The following PALM2AKAP2 variants were observed in gnomAD, a reference collection of about 807,000 sequenced individuals.
PALM2AKAP2 encodes PALM2 and AKAP2 fusion, also known as PALM2-AKAP2 fusion protein.
PALM2AKAP2 carries 37 observed loss-of-function variants against 71.5 expected under a neutral mutation model. The observed-to-expected ratio is 0.52, with a 90% CI of 0.40 to 0.68. The LOEUF is 0.68. PALM2AKAP2 is among the 30% of genes least tolerant of loss of function. The pLI, the probability that PALM2AKAP2 is intolerant of heterozygous loss-of-function variation, is 0.00. For missense variants in PALM2AKAP2, 1,224 were observed against 1,191.8 expected (o/e 1.03, Z -0.40); for synonymous variants, 468 against 478.8 (o/e 0.98, Z 0.29).
chr9:109,734,599 A>C (rs1828602328), intron 1 of PALM2AKAP2, among the ~76,000 whole-genome samples: 1 of 152,224 alleles, frequency 6.6e-6, no homozygotes, highest in African/African-American at 2.4e-5. Context: ...AGTTGGAGTC[A>C]AGAGAAGAGT....
At chr9:110,161,351 G>A (rs542296492) in intron 3 of PALM2AKAP2, among the ~76,000 whole-genome samples, 4 of 152,274 alleles carry the variant, frequency 2.6e-5, no homozygotes, top group Admixed American at 6.5e-5. Context: ...ATTCTGGAGA[G>A]GGATGTCCCA....
intron 3 of PALM2AKAP2, among the ~76,000 whole-genome samples, chr9:109,909,996 A>T (rs1030374897): frequency 2.6e-5 from 4 of 152,186 alleles, no homozygotes; most frequent in Non-Finnish European, 5.9e-5. Context: ...ATGGGGCTGC[A>T]TAGAAGCAGA....
intron 1 of PALM2AKAP2, among the ~76,000 whole-genome samples, chr9:109,817,226 G>C (rs1345140605): frequency 6.6e-6 from 1 of 152,198 alleles, no homozygotes; most frequent in Non-Finnish European, 1.5e-5. Flanking sequence ...TGTGGATGTT[G>C]AGTTGCTACT....
chr9:110,140,079 T>C (rs1390593185), intron 2 of PALM2AKAP2, among the ~76,000 whole-genome samples: 1 of 152,242 alleles, frequency 6.6e-6, no homozygotes, highest in East Asian at 1.9e-4. Context: ...AATATACATT[T>C]TGTAGGGCAA....
chr9:109,829,919 G>C (rs947146715), intron 1 of PALM2AKAP2, among the ~76,000 whole-genome samples: 4 of 152,154 alleles, frequency 2.6e-5, no homozygotes, highest in African/African-American at 9.7e-5. Flanking sequence ...AGACAAAGTT[G>C]AGAGAAGGAA....
chr9:109,984,928 A>T (rs1832344360), intron 6 of PALM2AKAP2, among the ~76,000 whole-genome samples: 1 of 152,094 alleles, frequency 6.6e-6, no homozygotes, highest in African/African-American at 2.4e-5. Flanking sequence ...TAATCCCAGA[A>T]CTTTGGGAGG....
chr9:109,738,265 G>T (rs1564130209), intron 1 of PALM2AKAP2, among the ~76,000 whole-genome samples: 1 of 152,176 alleles, frequency 6.6e-6, no homozygotes, highest in Non-Finnish European at 1.5e-5. Flanking sequence ...TCTCACAGTT[G>T]CCCCCAGAGC....
exon 4 of PALM2AKAP2, chr9:110,170,872 C>G (rs980232797): frequency 3.3e-5 from 5 of 152,414 alleles, no homozygotes; most frequent in African/African-American, 1.2e-4. Context: ...GGGGCGTTCC[C>G]AAAGCAGACA....
chr9:109,794,387 G>A (rs1403181082), intron 1 of PALM2AKAP2, among the ~76,000 whole-genome samples: 1 of 139,476 alleles, frequency 7.2e-6, no homozygotes, highest in Non-Finnish European at 1.5e-5. Flanking sequence ...GGAAAGCACT[G>A]CAGATTTTCC....
chr9:109,865,885 A>T (rs1245989585), intron 1 of PALM2AKAP2, among the ~76,000 whole-genome samples: 1 of 152,186 alleles, frequency 6.6e-6, no homozygotes, highest in Non-Finnish European at 1.5e-5. Flanking sequence ...CATCTCTGAG[A>T]TGGTGGATGT....
chr9:109,877,703 A>AT (rs1171490037), intron 2 of PALM2AKAP2, among the ~76,000 whole-genome samples: 1 of 152,124 alleles, frequency 6.6e-6, no homozygotes, highest in Non-Finnish European at 1.5e-5. Flanking sequence ...TATTTTCTCC[A>AT]TTTTACAGAT....
chr9:109,757,006 T>C (rs1038670178), intron 1 of PALM2AKAP2, among the ~76,000 whole-genome samples: 2 of 152,130 alleles, frequency 1.3e-5, no homozygotes, highest in Non-Finnish European at 2.9e-5. Flanking sequence ...TTTTGAAATA[T>C]ACAATACATT....
intron 6 of PALM2AKAP2, among the ~76,000 whole-genome samples, chr9:110,004,893 G>A (rs191067496): frequency 6.0e-4 from 92 of 152,250 alleles, no homozygotes; most frequent in African/African-American, 2.1e-3. Context: ...GTCCTTTAAG[G>A]ACTTCTTTGC....
At chr9:110,095,431 C>T (rs535372029) in intron 1 of PALM2AKAP2, among the ~76,000 whole-genome samples, 2 of 152,170 alleles carry the variant, frequency 1.3e-5, no homozygotes, top group Non-Finnish European at 2.9e-5. Context: ...AGGGGAGGCC[C>T]GCCTTCAACT....
At chr9:109,975,500 A>G (rs934018378) in intron 6 of PALM2AKAP2, among the ~76,000 whole-genome samples, 2 of 152,232 alleles carry the variant, frequency 1.3e-5, no homozygotes, top group African/African-American at 4.8e-5. Context: ...AAACACCTTC[A>G]CAGACATACC....
intron 6 of PALM2AKAP2, among the ~76,000 whole-genome samples, chr9:109,992,260 G>A (rs1472744632): frequency 2.0e-5 from 3 of 152,120 alleles, no homozygotes. Flanking sequence ...CTTCTTGGCT[G>A]TCAGTCTCTC....
intron 1 of PALM2AKAP2, among the ~76,000 whole-genome samples, chr9:110,118,832 T>C (rs1835422158): frequency 6.6e-6 from 1 of 152,326 alleles, no homozygotes; most frequent in African/African-American, 2.4e-5. Context: ...GGATAGCTTA[T>C]GAATATGCAA....
intron 1 of PALM2AKAP2, among the ~76,000 whole-genome samples, chr9:110,128,821 A>G (rs1295963775): frequency 6.6e-6 from 1 of 152,220 alleles, no homozygotes; most frequent in Non-Finnish European, 1.5e-5. Context: ...CTGCTAAGGA[A>G]AATGCACTTC....
At chr9:109,779,251 G>A (rs1829395152), upstream of PALM2AKAP2, among the ~76,000 whole-genome samples, 1 of 152,080 alleles carries the variant, frequency 6.6e-6, no homozygotes, top group South Asian at 2.1e-4. Flanking sequence ...TCTCCTTTTG[G>A]ACTGGGCCTG....
Sources: allele counts gnomAD v4.1 joint callset (sites outside exome capture counted in the v4.1 genomes callset), GRCh38; gene constraint gnomAD v4.1.1; transcripts MANE v1.5; gene names NCBI Gene and HGNC (gene_info 2026-07-23, HGNC 2026-07-21).